The following PCDH9 variants were observed in gnomAD, a reference collection of about 807,000 sequenced individuals.
PCDH9 encodes the protein protocadherin-9.
A neutral mutation model predicts 70.6 loss-of-function variants in PCDH9; 24 were observed. The ratio of observed to expected loss-of-function variants is 0.34; its 90% CI spans 0.25 to 0.48. The LOEUF (loss-of-function observed/expected upper bound fraction) is 0.48. PCDH9 is among the 20% of genes least tolerant of loss of function. PCDH9 has a pLI of 0.99. For synonymous variants in PCDH9, 562 were observed against 558.5 expected, an observed-to-expected ratio of 1.01 and a Z score of -0.09; for missense variants, 1,281 against 1,503.6, an observed-to-expected ratio of 0.85 and a Z score of 2.45.
chr13:66,719,830 A>G (rs1331080395), intron 3 of PCDH9, among the ~76,000 whole-genome samples: 1 of 152,226 alleles, frequency 6.6e-6, no homozygotes, highest in Non-Finnish European at 1.5e-5. Context: ...AAATAAATCC[A>G]AGTCATTTTA....
intron 4 of PCDH9, among the ~76,000 whole-genome samples, chr13:66,340,255 C>G (rs888610811): frequency 6.6e-6 from 1 of 152,110 alleles, no homozygotes; most frequent in African/African-American, 2.4e-5. Flanking sequence ...AGGAGCTTAT[C>G]GTTTTTTGTC....
At chr13:67,028,173 T>C (rs1311822779) in intron 2 of PCDH9, among the ~76,000 whole-genome samples, 1 of 147,908 alleles carries the variant, frequency 6.8e-6, no homozygotes, top group East Asian at 2.1e-4. Context: ...ACAACCCAAA[T>C]GTCCAACAGT....
intron 3 of PCDH9, among the ~76,000 whole-genome samples, chr13:66,889,292 C>T (rs1223986319): frequency 1.3e-5 from 2 of 152,210 alleles, no homozygotes; most frequent in Non-Finnish European, 2.9e-5. Flanking sequence ...CTTATTTAAA[C>T]TAAACATATA....
chr13:67,163,491 G>C (rs980899263), intron 2 of PCDH9, among the ~76,000 whole-genome samples: 1 of 152,060 alleles, frequency 6.6e-6, no homozygotes, highest in Non-Finnish European at 1.5e-5. Context: ...AAATTTCAGA[G>C]CGCATTTGGT....
chr13:66,836,460 A>T, intron 3 of PCDH9, among the ~76,000 whole-genome samples: 1 of 152,136 alleles, frequency 6.6e-6, no homozygotes, highest in Admixed American at 6.5e-5. Context: ...CTGCCTATCA[A>T]ACTTGACCCT....
At chr13:66,751,213 AT>A (rs750103001) in intron 3 of PCDH9, among the ~76,000 whole-genome samples, 15 of 151,508 alleles carry the variant, frequency 9.9e-5, no homozygotes, top group Non-Finnish European at 1.3e-4. Flanking sequence ...AATTGATCAA[AT>A]TTTTTTTTTC....
rs533691809 is a variant in PCDH9, at chr13:66,542,679, T to C, written c.3340+88531A>G. The stretch of plus-strand genomic sequence containing the variant: ...AAAGTCAAATATATATATATTTAAA[T>C]ATATATATGTTTAAATATATATATA... On this transcript the variant is annotated intron_variant, in intron 4 of 4. Transcript: ENST00000377865. Among the ~76,000 whole-genome samples the C allele has an allele frequency of 5.2e-3, 521 of 100,270 alleles. 6 individuals carry two copies. Among genetic ancestry groups the C allele is most frequent in the African/African-American group, 0.014 (499 of 34,590 alleles). 65.8% of individuals were successfully genotyped at this position (100,270 alleles called of 152,430 possible). A position where few individuals can be genotyped will look rare whatever the true frequency, so the allele number is the denominator to read the frequency against.
At chr13:66,614,093 G>A (rs187845610) in intron 4 of PCDH9, among the ~76,000 whole-genome samples, 2 of 152,250 alleles carry the variant, frequency 1.3e-5, no homozygotes, top group Admixed American at 6.5e-5. Flanking sequence ...TTACCTTAAA[G>A]TTAAAAATTG....
chr13:66,742,403 T>A (rs1173104982), intron 3 of PCDH9, among the ~76,000 whole-genome samples: 2 of 104,898 alleles, frequency 1.9e-5, no homozygotes, highest in African/African-American at 7.9e-5. Flanking sequence ...GAAGAAAACC[T>A]AGGCATTACC....
At chr13:66,961,885 T>C (rs1394269524) in intron 2 of PCDH9, among the ~76,000 whole-genome samples, 1 of 151,698 alleles carries the variant, frequency 6.6e-6, no homozygotes, top group African/African-American at 2.4e-5. Context: ...ACCCCGTCTC[T>C]ACTAAAAATA....
At chr13:66,672,014 A>G (rs1334029540) in intron 3 of PCDH9, among the ~76,000 whole-genome samples, 1 of 152,140 alleles carries the variant, frequency 6.6e-6, no homozygotes, top group Non-Finnish European at 1.5e-5. Flanking sequence ...AACCCTTCCC[A>G]TCATAGGCCT....
chr13:66,477,716 T>C (rs1369325608), intron 4 of PCDH9, among the ~76,000 whole-genome samples: 5 of 152,230 alleles, frequency 3.3e-5, no homozygotes, highest in African/African-American at 1.2e-4. Flanking sequence ...ATGATTATTG[T>C]TATCAATATA....
chr13:66,435,966 G>T (rs1173639791), intron 4 of PCDH9, among the ~76,000 whole-genome samples: 1 of 151,718 alleles, frequency 6.6e-6, no homozygotes, highest in Non-Finnish European at 1.5e-5. Context: ...CACATATTTT[G>T]CAATGTTAGG....
At chr13:67,171,281 C>T (rs376949168) in intron 2 of PCDH9, among the ~76,000 whole-genome samples, 8 of 152,094 alleles carry the variant, frequency 5.3e-5, no homozygotes, top group African/African-American at 1.9e-4. Flanking sequence ...TAAAAGCAAT[C>T]ATAAATATAT....
intron 4 of PCDH9, among the ~76,000 whole-genome samples, chr13:66,307,750 G>T (rs1457534807): frequency 1.3e-5 from 2 of 151,894 alleles, no homozygotes; most frequent in African/African-American, 2.4e-5. Flanking sequence ...GATGTGCAAG[G>T]CTATTTTAAA....
intron 4 of PCDH9, among the ~76,000 whole-genome samples, chr13:66,426,027 G>T (rs377657136): frequency 6.6e-5 from 10 of 151,522 alleles, no homozygotes; most frequent in African/African-American, 2.2e-4. Flanking sequence ...TCATCATGAC[G>T]TCATGTTATG....
At chr13:66,781,002 C>A (rs2139298153) in intron 3 of PCDH9, among the ~76,000 whole-genome samples, 1 of 152,210 alleles carries the variant, frequency 6.6e-6, no homozygotes, top group East Asian at 1.9e-4. Context: ...GGGTGGGGTG[C>A]ATTTCAAGAG....
intron 4 of PCDH9, among the ~76,000 whole-genome samples, chr13:66,332,557 AG>A (rs1955962564): frequency 6.6e-6 from 1 of 152,222 alleles, no homozygotes; most frequent in South Asian, 2.1e-4. Flanking sequence ...GGAACACTTA[AG>A]TCTCATGGAT....
At chr13:66,788,250 A>G (rs927723687) in intron 3 of PCDH9, among the ~76,000 whole-genome samples, 4 of 152,256 alleles carry the variant, frequency 2.6e-5, no homozygotes, top group East Asian at 1.9e-4. Flanking sequence ...TTATAATGGC[A>G]TTAACCCATT....
Sources: allele counts gnomAD v4.1 joint callset (sites outside exome capture counted in the v4.1 genomes callset), GRCh38; gene constraint gnomAD v4.1.1; transcripts MANE v1.5; gene names NCBI Gene and HGNC (gene_info 2026-07-23, HGNC 2026-07-21).